Variants in E2F8 observed in about 807,000 individuals in gnomAD.
E2F8 encodes transcription factor E2F8.
Under a neutral mutation model 80.8 loss-of-function variants are expected in E2F8, and 35 were observed. The ratio of observed to expected loss-of-function variants is 0.43; its 90% CI spans 0.33 to 0.57. The LOEUF (loss-of-function observed/expected upper bound fraction) is 0.57. E2F8 is among the 20% of genes least tolerant of loss of function. E2F8 has a pLI of 0.04. For synonymous variants in E2F8, 386 were observed against 395.0 expected (o/e 0.98, Z 0.27); for missense variants, 975 against 1,056.2 (o/e 0.92, Z 1.07).
At position 19,238,054 on chromosome 11, in the gene E2F8, A is replaced by G. The variant is rs1413384812; in HGVS notation, c.94T>C (p.Leu32=). 6.2e-7 allele frequency: 1 copy of G among 1,614,090 alleles called. No homozygotes were observed. Among genetic ancestry groups the G allele is most frequent in the African/African-American group, 1.3e-5 (1 of 74,930 alleles). Reference sequence around the variant, plus strand: ...CCAAAGTCAGGCTGGATCTCTGCCAACACGATATTTGCTGTGGTGGATTCT... The same window carrying G: ...CCAAAGTCAGGCTGGATCTCTGCCAGCACGATATTTGCTGTGGTGGATTCT... The part of the protein sequence containing the change: ...LKESTTANIV[L]AEIQPDFGPL... Residue 32 remains leucine, a synonymous_variant, in exon 3 of 13, where the codon TTG becomes CTG. Coordinates refer to ENST00000250024, the MANE Select transcript of E2F8 (RefSeq NM_024680.4).
In E2F8 at chr11:19,234,924, T is replaced by C. The variant is rs2133573297; in HGVS notation, c.586A>G (p.Ile196Val). 6.2e-7 allele frequency: 1 copy of C among 1,614,250 alleles called. No homozygotes were observed. Among genetic ancestry groups the C allele is most frequent in the South Asian group, 1.1e-5 (1 of 91,092 alleles). The change falls in exon 5 of 13, where the codon ATC becomes GTC. Residue 196 changes from isoleucine to valine, a missense_variant. Coordinates refer to ENST00000250024, the MANE Select transcript of E2F8 (RefSeq NM_024680.4). ...LNKTLGTLKS[I>V]GEENKYAEQI... ...TCGGCGTACTTATTCTCCTCCCCGA[T>C]GCTCTTCAAGGTGCCAAGGGTTTTG...
At chr11:19,230,012 G>T in intron 9 of E2F8, 24 bp from the exon 10 acceptor site, 1 of 1,610,852 alleles carries the variant, frequency 6.2e-7, no homozygotes. Flanking sequence ...TTTAATACAC[G>T]ACATGATGGA....
At chr11:19,230,860 A>G (rs753954308) in intron 7 of E2F8, 26 bp from the exon 8 acceptor site, 2 of 1,610,968 alleles carry the variant, frequency 1.2e-6, no homozygotes, top group Non-Finnish European at 1.7e-6. Flanking sequence ...TCTGTGTATT[A>G]AAACCTGGAT....
At chr11:19,226,704 C>CA (rs1291507026) in intron 10 of E2F8, among the ~76,000 whole-genome samples, 4 of 152,088 alleles carry the variant, frequency 2.6e-5, no homozygotes, top group Non-Finnish European at 1.5e-5. Flanking sequence ...CCTTAAAACC[C>CA]AAAAAATGTC....
At chr11:19,234,260 T>C in intron 6 of E2F8, 100 bp downstream of exon 6, 2 of 1,311,354 alleles carry the variant, frequency 1.5e-6, no homozygotes, top group Non-Finnish European at 2.1e-6. Flanking sequence ...AGAGAAGATC[T>C]GTTTATGCAC....
intron 4 of E2F8, among the ~76,000 whole-genome samples, chr11:19,236,934 T>C (rs938796766): frequency 2.0e-5 from 3 of 152,234 alleles, no homozygotes; most frequent in African/African-American, 7.2e-5. Context: ...CAGAAGCTGA[T>C]CCTCAGCGTC....
intron 4 of E2F8, among the ~76,000 whole-genome samples, chr11:19,235,338 A>G (rs1006439253): frequency 6.6e-6 from 1 of 152,216 alleles, no homozygotes; most frequent in Non-Finnish European, 1.5e-5. Flanking sequence ...AGTAGGTATT[A>G]TGATCTGCAC....
chr11:19,231,078 G>C (rs1851368355), intron 7 of E2F8, among the ~76,000 whole-genome samples: 1 of 152,192 alleles, frequency 6.6e-6, no homozygotes, highest in Admixed American at 6.5e-5. Context: ...GTGTGCTAGA[G>C]TGTAGTTATT....
In E2F8 at chr11:19,225,598, A is replaced by C. The variant is rs368807975; in HGVS notation, c.2044T>G (p.Ser682Ala). The C allele has an allele frequency of 6.2e-7, 1 of 1,613,760 alleles. No homozygotes were observed. The highest frequency in any genetic ancestry group is 8.5e-7 in the Non-Finnish European group (1 of 1,179,630). The change falls in exon 12 of 13, where the codon TCA becomes GCA. Residue 682 changes from serine to alanine, a missense_variant. By Grantham distance (99) the Ser-to-Ala change is moderately conservative (BLOSUM62 1). Coordinates refer to ENST00000250024, the MANE Select transcript of E2F8 (RefSeq NM_024680.4). ...AAATTAACAGCAGTGAGTTCAGATGATGTCACTGGAATAACACCTGGAAGG... is the reference window on the plus strand; with the variant it reads ...AAATTAACAGCAGTGAGTTCAGATGCTGTCACTGGAATAACACCTGGAAGG... ...SPIAGVIPVT[S>A]SELTAVNFPS...
intron 10 of E2F8, among the ~76,000 whole-genome samples, chr11:19,228,121 A>G (rs892756959): frequency 2.0e-5 from 3 of 152,112 alleles, no homozygotes; most frequent in African/African-American, 7.2e-5. Context: ...GCAGAGATAT[A>G]AAAAAGAAGC....
Position 19,229,415 on chromosome 11 carries a change from G to A in E2F8, c.1893+39C>T. 1 of 1,559,146 alleles carries A rather than the reference G, an allele frequency of 6.4e-7. No individual in the cohort carries two copies. Among genetic ancestry groups the A allele is most frequent in the African/African-American group, 1.4e-5 (1 of 72,842 alleles). On this transcript the variant is annotated intron_variant, in intron 10 of 12. Transcript: ENST00000250024. This position sits in a 1 kb window ranked among gnomAD's most constrained non-coding sequence, Gnocchi z 4.3. ...ACCAATCTTCCTGTAATAGACTAGGGAATTCCTAAAGCTTTGTGCAGTTCA... is the reference window on the plus strand; with the variant it reads ...ACCAATCTTCCTGTAATAGACTAGGAAATTCCTAAAGCTTTGTGCAGTTCA...
Position 19,232,237 on chromosome 11 carries a change from T to C in E2F8, c.1063A>G (p.Ser355Gly). ...WTGPEISPNTSGSSPVIHFTP... is the reference protein window; with the variant it reads ...WTGPEISPNTGGSSPVIHFTP... ...GGTGAAAGAAAAAAATACATACCAC[T>C]GGTATTTGGACTGATTTCTGGGCCG... is the stretch of plus-strand genomic sequence containing the variant. The change falls in exon 7 of 13, where the codon AGT becomes GGT. Residue 355 changes from serine (S) to glycine (G), a missense_variant. Coordinates refer to ENST00000250024, the MANE Select transcript of E2F8 (RefSeq NM_024680.4). 6.2e-7 allele frequency: 1 copy of C among 1,612,580 alleles called. No individual in the cohort carries two copies.
chr11:19,224,772 G>A lies in E2F8; in HGVS notation c.2490C>T (p.Pro830=). The part of the protein sequence containing the change: ...AESFFRTPGG[P]TKPTSSSCMD... ...TGCAGGATGAGCTGGTTGGCTTGGT[G>A]GGTCCACCTGGGGTACGGAAGAAAC... The change falls in exon 13 of 13, where the codon CCC becomes CCT. Residue 830 remains proline (P), a synonymous_variant. Transcript: ENST00000250024. 6.2e-7 allele frequency: 1 copy of A among 1,614,190 alleles called. No homozygotes were observed. Among genetic ancestry groups the A allele is most frequent in the South Asian group, 1.1e-5 (1 of 91,082 alleles).
intron 10 of E2F8, among the ~76,000 whole-genome samples, chr11:19,227,976 T>C (rs954967271): frequency 2.0e-5 from 3 of 152,144 alleles, no homozygotes; most frequent in African/African-American, 4.8e-5. Flanking sequence ...TCTAAGTTAC[T>C]TGGGAGACTG....
chr11:19,225,820 T>G lies in E2F8; in HGVS notation c.1938A>C (p.Ser646=). ...ACAAAATGGACTCTGCCCCCAGGGA[T>G]GAGCACTGCGTGAGAGGGATTAGGT... ...SGYLIPLTQC[S]SLGAESILSG... is the part of the protein sequence containing the mutation. Residue 646 remains serine, a synonymous_variant, in exon 11 of 13, where the codon TCA becomes TCC. Transcript: ENST00000250024. The G allele has an allele frequency of 1.2e-6, 2 of 1,614,132 alleles. No individual in the cohort carries two copies. The highest frequency in any genetic ancestry group is 1.7e-6 in the Non-Finnish European group (2 of 1,180,028).
rs545613697 is a variant in E2F8 at position 19,224,390 on chromosome 11, G to T, written c.*268C>A. 2 of 292,682 alleles carry T rather than the reference G, an allele frequency of 6.8e-6. No homozygotes were observed. Among genetic ancestry groups the T allele is most frequent in the African/African-American group, 4.3e-5 (2 of 46,062 alleles). 18.1% of individuals were successfully genotyped at this position (292,682 alleles called of 1,614,324 possible). ...CTAAAATAATGGATTTTTCCCCCTAGAAGTTAATATATCTTAGAGTTCAAC... is the reference window on the plus strand; with the variant it reads ...CTAAAATAATGGATTTTTCCCCCTATAAGTTAATATATCTTAGAGTTCAAC... On this transcript the variant is annotated 3_prime_UTR_variant, in exon 13 of 13. Coordinates refer to ENST00000250024, the MANE Select transcript of E2F8 (RefSeq NM_024680.4).
At chr11:19,235,871 C>T (rs1851506414) in intron 4 of E2F8, among the ~76,000 whole-genome samples, 3 of 152,104 alleles carry the variant, frequency 2.0e-5, no homozygotes, top group Admixed American at 6.5e-5. Context: ...GTACAAAAAC[C>T]ATGATGTAGT....
At chr11:19,233,684 T>C (rs1239334538) in intron 6 of E2F8, among the ~76,000 whole-genome samples, 1 of 151,480 alleles carries the variant, frequency 6.6e-6, no homozygotes, top group African/African-American at 2.4e-5. Context: ...GAGACGGGGT[T>C]TCACTGTGTT....
Position 19,229,468 on chromosome 11 carries a change from C to T in E2F8, c.1879G>A (p.Glu627Lys). Residue 627 changes from glutamate to lysine, a missense_variant, in exon 10 of 13, where the codon GAA (glutamate) becomes AAA (lysine). By Grantham distance (56) the Glu-to-Lys change is moderately conservative. Coordinates refer to ENST00000250024, the MANE Select transcript of E2F8 (RefSeq NM_024680.4). This position sits in a 1 kb window ranked among gnomAD's most constrained non-coding sequence, Gnocchi z 4.3. ...KKFKEDLKGL[E>K]NVSATLFPSG... ...GCTGTACTTACTGCGGAGACATTTTCAAGTCCTTTTAGGTCCTCTTTAAAT... is the reference window on the plus strand; with the variant it reads ...GCTGTACTTACTGCGGAGACATTTTTAAGTCCTTTTAGGTCCTCTTTAAAT... The T allele has an allele frequency of 6.2e-7, 1 of 1,613,134 alleles. No individual in the cohort carries two copies. Among genetic ancestry groups the T allele is most frequent in the African/African-American group, 1.3e-5 (1 of 74,926 alleles).
Sources: allele counts gnomAD v4.1 joint callset (sites outside exome capture counted in the v4.1 genomes callset), GRCh38; gene constraint gnomAD v4.1.1; non-coding constraint Gnocchi (gnomAD v3.1); transcripts MANE v1.5; gene names NCBI Gene and HGNC (gene_info 2026-07-23, HGNC 2026-07-21).